CNOT2: variants seen among roughly 807,000 people sequenced by gnomAD.
CNOT2 encodes CC chemokine receptor 4-negative regulator of transcription 2.
Under a neutral mutation model 72.1 loss-of-function variants are expected in CNOT2, and 7 were observed. The observed-to-expected ratio is 0.10, with a 90% CI of 0.06 to 0.18. CNOT2 has a LOEUF of 0.18. Among genes scored for constraint, CNOT2 ranks in the 10% least tolerant of loss-of-function variants. The pLI, the probability that CNOT2 is intolerant of heterozygous loss-of-function variation, is 1.00. For synonymous variants in CNOT2, 196 were observed against 225.6 expected, an observed-to-expected ratio of 0.87 and a Z score of 1.17; for missense variants, 345 against 660.3, an observed-to-expected ratio of 0.52 and a Z score of 5.23.
At chr12:70,283,463 C>CGGTTGATAGATA (rs1555192613) in intron 2 of CNOT2, among the ~76,000 whole-genome samples, 3 of 69,618 alleles carry the variant, frequency 4.3e-5, no homozygotes, top group Non-Finnish European at 8.5e-5. Context: ...CTCAGTCAGT[C>CGGTTGATAGATA]GATTGATAGA....
At chr12:70,259,678 G>C (rs1958651116) in intron 1 of CNOT2, among the ~76,000 whole-genome samples, 1 of 152,062 alleles carries the variant, frequency 6.6e-6, no homozygotes, top group South Asian at 2.1e-4. Context: ...TGTATCAGTT[G>C]TTCACTTCTG....
chr12:70,332,875 C>T, intron 7 of CNOT2, 29 bp downstream of exon 7: 1 of 1,554,514 alleles, frequency 6.4e-7, no homozygotes, highest in Non-Finnish European at 8.6e-7. Flanking sequence ...TAGTACCCTA[C>T]AAAAAGTATG....
chr12:70,327,503 A>G (rs1044892744), intron 4 of CNOT2: 1 of 151,770 alleles, frequency 6.6e-6, no homozygotes, highest in Admixed American at 6.6e-5. Flanking sequence ...GCCGTGGAGA[A>G]GTCAGTTAAC....
At chr12:70,305,873 G>GTTTTTTTTTTTTTTTTTTTTTTT (rs11412509) in intron 2 of CNOT2, among the ~76,000 whole-genome samples, 5 of 60,104 alleles carry the variant, frequency 8.3e-5, no homozygotes, top group Non-Finnish European at 8.9e-5. Flanking sequence ...TCTGAAGTTT[G>GTTTTTTTTTTTTTTTTTTTTTTT]TTTTTTTTTT....
At chr12:70,338,081 A>G in intron 9 of CNOT2, 1 of 216,774 alleles carries the variant, frequency 4.6e-6, no homozygotes, top group South Asian at 7.2e-5. Flanking sequence ...TTTAGGTAAT[A>G]TACTATATTT....
At chr12:70,256,372 A>C (rs922091399) in intron 1 of CNOT2, among the ~76,000 whole-genome samples, 1 of 152,160 alleles carries the variant, frequency 6.6e-6, no homozygotes, top group Non-Finnish European at 1.5e-5. Flanking sequence ...GGGAACTTCA[A>C]CTTGGAATTC....
Position 70,268,259 on chromosome 12 carries a change from C to A in CNOT2, c.-95-9873C>A, listed in dbSNP as rs925051169. ...TAGAATTCTGGGTGGACAGTTCTCT[C>A]GGTAGCAATTAGCTAGAGTAGAGTA... On this transcript the variant is annotated intron_variant, in intron 1 of 15. Transcript: ENST00000229195. Among the ~76,000 whole-genome samples the A allele has an allele frequency of 5.3e-5, 8 of 152,184 alleles. No individual in the cohort carries two copies. In the East Asian group the frequency reaches 1.5e-3, roughly 29 times the overall value.
At chr12:70,350,390 TTTAGTAATGTGTAC>T (rs1193532335) in intron 15 of CNOT2, among the ~76,000 whole-genome samples, 1 of 152,236 alleles carries the variant, frequency 6.6e-6, no homozygotes, top group African/African-American at 2.4e-5. Flanking sequence ...ATCCTTATAC[TTTAGTAATGTGTAC>T]TTTTCTTCAA....
intron 1 of CNOT2, among the ~76,000 whole-genome samples, chr12:70,254,237 C>CAA (rs10711236): frequency 8.5e-6 from 1 of 117,950 alleles, no homozygotes. Flanking sequence ...GACTCTGTCT[C>CAA]AAAAAAAAAA....
At chr12:70,310,849 C>T (rs1423071832) in intron 2 of CNOT2, 46 bp from the exon 3 acceptor site, 1 of 1,574,472 alleles carries the variant, frequency 6.4e-7, no homozygotes, top group Non-Finnish European at 8.7e-7. Context: ...TAACACTGAA[C>T]ATTTTCCAAA....
At chr12:70,255,855 A>C (rs1299623418) in intron 1 of CNOT2, among the ~76,000 whole-genome samples, 1 of 152,180 alleles carries the variant, frequency 6.6e-6, no homozygotes, top group Non-Finnish European at 1.5e-5. Context: ...TATTTATAAA[A>C]CATATTTGTA....
chr12:70,284,535 CT>C (rs1215544518), intron 2 of CNOT2, among the ~76,000 whole-genome samples: 1 of 151,634 alleles, frequency 6.6e-6, no homozygotes, highest in Non-Finnish European at 1.5e-5. Context: ...GCATGAGCCA[CT>C]GTGCCGACCT....
intron 1 of CNOT2, among the ~76,000 whole-genome samples, chr12:70,257,160 A>G (rs919243103): frequency 6.6e-6 from 1 of 152,180 alleles, no homozygotes. Context: ...TTTTGGAGGT[A>G]AGCAGGTCCA....
At chr12:70,325,070 T>C (rs895994727) in intron 4 of CNOT2, among the ~76,000 whole-genome samples, 12 of 151,984 alleles carry the variant, frequency 7.9e-5, no homozygotes, top group African/African-American at 2.4e-4. Flanking sequence ...ATAGCACTTA[T>C]TTATTTTTAA....
chr12:70,277,259 T>A (rs1356192241), intron 1 of CNOT2, among the ~76,000 whole-genome samples: 1 of 152,156 alleles, frequency 6.6e-6, no homozygotes, highest in East Asian at 1.9e-4. Context: ...ATTTACAAAT[T>A]CTTTGTAGAC....
chr12:70,354,141 A>G lies in CNOT2; in HGVS notation c.*226A>G, dbSNP rs1170055377. On this transcript the variant is annotated 3_prime_UTR_variant, in exon 16 of 16. Coordinates refer to ENST00000229195, the MANE Select transcript of CNOT2 (RefSeq NM_014515.7). ...TAATTTGTTTTTCTCTAGTTTGAGC[A>G]GGGTCTGAATTTTTTCATTTATTTC... 1 of 821,548 alleles carries G rather than the reference A, an allele frequency of 1.2e-6. No homozygotes were observed. The highest frequency in any genetic ancestry group is 1.8e-5 in the African/African-American group (1 of 56,574). 50.9% of individuals were successfully genotyped at this position (821,548 alleles called of 1,614,324 possible).
Position 70,332,601 on chromosome 12 carries a change from A to C in CNOT2, c.570-166A>C, listed in dbSNP as rs1330215938. 7 of 1,045,658 alleles carry C rather than the reference A, an allele frequency of 6.7e-6. No individual in the cohort carries two copies. In the East Asian group the frequency reaches 1.7e-4, roughly 25 times the overall value. 64.8% of individuals were successfully genotyped at this position (1,045,658 alleles called of 1,614,324 possible). A position where few individuals can be genotyped will look rare whatever the true frequency, so the allele number is the denominator to read the frequency against. ...ATTTGTTCATGGAAGGACTTTAGAG[A>C]AGTTTTCAAGTAAAGATAAAGAATA... On this transcript the variant is annotated intron_variant, in intron 6 of 15. Coordinates refer to ENST00000229195, the MANE Select transcript of CNOT2 (RefSeq NM_014515.7).
At chr12:70,315,540 A>G (rs1280978295) in intron 3 of CNOT2, among the ~76,000 whole-genome samples, 1 of 152,144 alleles carries the variant, frequency 6.6e-6, no homozygotes, top group East Asian at 1.9e-4. Flanking sequence ...TTTTTATTTA[A>G]CAAAATTTTG....
chr12:70,280,607 A>C (rs1259756752), intron 2 of CNOT2, among the ~76,000 whole-genome samples: 1 of 152,188 alleles, frequency 6.6e-6, no homozygotes, highest in Non-Finnish European at 1.5e-5. Flanking sequence ...ATAATAGGCT[A>C]ATATTGAAGA....
Sources: allele counts gnomAD v4.1 joint callset (sites outside exome capture counted in the v4.1 genomes callset), GRCh38; gene constraint gnomAD v4.1.1; transcripts MANE v1.5; gene names NCBI Gene and HGNC (gene_info 2026-07-23, HGNC 2026-07-21).